The following FGD4 variants were observed in gnomAD, a reference collection of about 807,000 sequenced individuals.
FGD4 encodes the protein FYVE, RhoGEF and PH domain-containing protein 4.
A neutral mutation model predicts 102.0 loss-of-function variants in FGD4; 42 were observed. That is an observed-to-expected ratio of 0.41 (90% CI 0.32 to 0.53). The LOEUF (loss-of-function observed/expected upper bound fraction) is 0.53, where lower values mean the gene tolerates loss of function less well. Among genes scored for constraint, FGD4 ranks in the 20% least tolerant of loss-of-function variants. The pLI is 0.21. For synonymous variants in FGD4, 380 were observed against 375.7 expected (o/e 1.01, Z -0.13); for missense variants, 902 against 1,078.2 (o/e 0.84, Z 2.29).
intron 15 of FGD4, among the ~76,000 whole-genome samples, chr12:32,636,740 A>C (rs555874761): frequency 1.3e-5 from 2 of 152,168 alleles, no homozygotes; most frequent in African/African-American, 4.8e-5. Flanking sequence ...ACCAACATGA[A>C]TAACACTGAG....
chr12:32,410,685 C>T (rs1941168538), intron 1 of FGD4, among the ~76,000 whole-genome samples: 1 of 152,050 alleles, frequency 6.6e-6, no homozygotes, highest in Non-Finnish European at 1.5e-5. Context: ...CGCACATGCA[C>T]ATCCGTTCAT....
chr12:32,495,879 C>T (rs1293778803), intron 1 of FGD4, among the ~76,000 whole-genome samples: 4 of 152,160 alleles, frequency 2.6e-5, no homozygotes, highest in African/African-American at 9.7e-5. Context: ...CACAAAACCT[C>T]AAATTCAGTT....
intron 5 of FGD4, among the ~76,000 whole-genome samples, chr12:32,599,288 A>G (rs1034103290): frequency 1.3e-5 from 2 of 149,920 alleles, no homozygotes; most frequent in Admixed American, 6.7e-5. Context: ...AGGTCAGGAG[A>G]TCGAGACCAT....
In FGD4 at chr12:32,598,539, T is replaced by C. The variant is rs1565888201; in HGVS notation, c.1054T>C (p.Leu352=). The change falls in exon 5 of 17, where the codon TTG becomes CTG. Residue 352 remains leucine, a synonymous_variant. Coordinates refer to ENST00000534526, the MANE Select transcript of FGD4 (RefSeq NM_001370298.3). ...QKLHKIANEL[L]LTERAYVNRL... is the part of the protein sequence containing the mutation. Reference sequence around the variant, plus strand: ...ACTTCACAAAATAGCCAATGAACTTTTGCTTACTGAAAGAGCTTATGTCAA... The same window carrying C: ...ACTTCACAAAATAGCCAATGAACTTCTGCTTACTGAAAGAGCTTATGTCAA... 2 of 1,613,706 alleles carry C rather than the reference T, an allele frequency of 1.2e-6. No homozygotes were observed. The highest frequency in any genetic ancestry group is 1.7e-6 in the Non-Finnish European group (2 of 1,179,910).
chr12:32,487,344 T>C (rs1483977138), intron 1 of FGD4, among the ~76,000 whole-genome samples: 2 of 152,248 alleles, frequency 1.3e-5, no homozygotes, highest in Non-Finnish European at 2.9e-5. Flanking sequence ...AATTTATGAA[T>C]ATTACCCTTT....
At chr12:32,513,246 G>A (rs577410866) in intron 1 of FGD4, among the ~76,000 whole-genome samples, 1 of 152,240 alleles carries the variant, frequency 6.6e-6, no homozygotes, top group East Asian at 1.9e-4. Flanking sequence ...TCATATCAAG[G>A]GAACAGCACA....
At chr12:32,476,322 G>A (rs1943583489) in intron 1 of FGD4, among the ~76,000 whole-genome samples, 1 of 152,090 alleles carries the variant, frequency 6.6e-6, no homozygotes, top group African/African-American at 2.4e-5. Context: ...AAATTTAATG[G>A]CTTAAAAACA....
intron 1 of FGD4, among the ~76,000 whole-genome samples, chr12:32,409,448 C>T (rs530639347): frequency 6.6e-6 from 1 of 152,182 alleles, no homozygotes; most frequent in Admixed American, 6.6e-5. Flanking sequence ...GCCACCACAC[C>T]TGGTTAATTT....
At chr12:32,503,605 T>A (rs942688009) in intron 1 of FGD4, among the ~76,000 whole-genome samples, 5 of 152,334 alleles carry the variant, frequency 3.3e-5, no homozygotes, top group African/African-American at 1.2e-4. Context: ...ATCATTATTA[T>A]TACTTTTTAA....
In FGD4 at chr12:32,640,863, A is replaced by G. The variant is rs922775358; in HGVS notation, c.*330A>G. The stretch of plus-strand genomic sequence containing the variant: ...GCACTTCCATTTAAGAAATCCTTTC[A>G]TGTCTTCTTCTCTTTCACATGTAGG... On this transcript the variant is annotated 3_prime_UTR_variant, in exon 17 of 17. Coordinates refer to ENST00000534526, the MANE Select transcript of FGD4 (RefSeq NM_001370298.3). 7 of 550,854 alleles carry G rather than the reference A, an allele frequency of 1.3e-5. No homozygotes were observed. Among genetic ancestry groups the G allele is most frequent in the African/African-American group, 1.1e-4 (6 of 52,850 alleles). 34.1% of individuals were successfully genotyped at this position (550,854 alleles called of 1,614,324 possible).
chr12:32,587,446 G>A (rs375928440), intron 4 of FGD4, among the ~76,000 whole-genome samples: 22 of 151,912 alleles, frequency 1.4e-4, no homozygotes, highest in East Asian at 1.4e-3. Flanking sequence ...GCTGGAGTGC[G>A]GTGACGCTAT....
chr12:32,613,034 G>T (rs1949243769), intron 10 of FGD4, among the ~76,000 whole-genome samples: 1 of 152,082 alleles, frequency 6.6e-6, no homozygotes, highest in Admixed American at 6.5e-5. Context: ...CATTGACAAA[G>T]AATAAGCTAA....
chr12:32,578,962 G>C (rs959974048), intron 3 of FGD4, among the ~76,000 whole-genome samples: 1 of 150,150 alleles, frequency 6.7e-6, no homozygotes, highest in Non-Finnish European at 1.5e-5. Context: ...GGTTAAGAGA[G>C]AGTACTCTTT....
At chr12:32,452,935 C>T (rs1359237944) in intron 1 of FGD4, among the ~76,000 whole-genome samples, 2 of 151,746 alleles carry the variant, frequency 1.3e-5, no homozygotes, top group Non-Finnish European at 1.5e-5. Context: ...GTGCAATGAG[C>T]AGTGATTGTG....
intron 1 of FGD4, among the ~76,000 whole-genome samples, chr12:32,484,746 C>T (rs891315740): frequency 1.3e-5 from 2 of 151,970 alleles, no homozygotes; most frequent in African/African-American, 2.4e-5. Context: ...CTGGTGGGCA[C>T]CTGTAATCCA....
At chr12:32,586,828 AT>A (rs1429998496) in intron 4 of FGD4, among the ~76,000 whole-genome samples, 3 of 152,320 alleles carry the variant, frequency 2.0e-5, no homozygotes, top group African/African-American at 7.2e-5. Flanking sequence ...TGGGCAAAAA[AT>A]AAATTACATT....
chr12:32,402,756 T>C (rs546902592), intron 1 of FGD4, among the ~76,000 whole-genome samples: 1 of 123,548 alleles, frequency 8.1e-6, no homozygotes, highest in Non-Finnish European at 1.6e-5. Flanking sequence ...GAAAAGTAAT[T>C]ATCTTAATAG....
chr12:32,640,386 C>T lies in FGD4; in HGVS notation c.2565C>T (p.His855=). ...AACTGACCCAGTCTAAGTCCGTGCACAGCTTTGCTGCAGACAGTGAGGAAC... is the reference window on the plus strand; with the variant it reads ...AACTGACCCAGTCTAAGTCCGTGCATAGCTTTGCTGCAGACAGTGAGGAAC... ...SFKLTQSKSV[H]SFAADSEELK... is the part of the protein sequence containing the mutation. The change falls in exon 17 of 17, where the codon CAC becomes CAT. Residue 855 remains histidine, a synonymous_variant. Coordinates refer to ENST00000534526, the MANE Select transcript of FGD4 (RefSeq NM_001370298.3). 1.9e-6 allele frequency: 3 copies of T among 1,614,200 alleles called. No individual in the cohort carries two copies. Among genetic ancestry groups the T allele is most frequent in the Non-Finnish European group, 2.5e-6 (3 of 1,180,040 alleles).
intron 1 of FGD4, among the ~76,000 whole-genome samples, chr12:32,462,079 C>T (rs1328349180): frequency 6.6e-6 from 1 of 152,144 alleles, no homozygotes; most frequent in African/African-American, 2.4e-5. Flanking sequence ...TTGGTTTCTG[C>T]ATAATATCAG....
Sources: allele counts gnomAD v4.1 joint callset (sites outside exome capture counted in the v4.1 genomes callset), GRCh38; gene constraint gnomAD v4.1.1; transcripts MANE v1.5; gene names NCBI Gene and HGNC (gene_info 2026-07-23, HGNC 2026-07-21).